RARB: variants seen among roughly 807,000 people sequenced by gnomAD.
RARB encodes HBV-activated protein.
Under a neutral mutation model 51.9 loss-of-function variants are expected in RARB, and 17 were observed. That is an observed-to-expected ratio of 0.33 (90% CI 0.22 to 0.49). RARB has a LOEUF of 0.49. Ranked by LOEUF, RARB falls within the 20% of genes least tolerant of loss-of-function variation. The probability of loss-of-function intolerance (pLI) is 0.99; values close to 1 mark genes in which losing one functional copy is unlikely to be tolerated. For missense variants in RARB, 369 were observed against 550.8 expected (o/e 0.67, Z 3.30); for synonymous variants, 215 against 195.4 (o/e 1.10, Z -0.84).
chr3:24,997,339 CAT>C (rs1356320085), intron 2 of RARB, among the ~76,000 whole-genome samples: 2 of 151,768 alleles, frequency 1.3e-5, no homozygotes, highest in East Asian at 1.9e-4. Flanking sequence ...ACTTTCAGCA[CAT>C]GTGTGTCTTT....
At chr3:25,390,093 T>A (rs745784905) in intron 5 of RARB, among the ~76,000 whole-genome samples, 29 of 152,152 alleles carry the variant, frequency 1.9e-4, no homozygotes, top group African/African-American at 4.8e-5. Context: ...AAAATTCATA[T>A]GTTGAAACTT....
In RARB at chr3:25,259,948, G is replaced by T. The variant is rs539995263; in HGVS notation, c.178+85373G>T. 1.8e-4 allele frequency: 177 copies of T among 985,266 alleles called. No homozygotes were observed. The African/African-American group carries it at 3.0e-3, about 17-fold the overall frequency. The allele number at this position is 985,266 out of a possible 1,614,324, so 61.0% of individuals were successfully genotyped here. On this transcript the variant is annotated intron_variant, in intron 5 of 11. Coordinates refer to the RARB transcript ENST00000383772. ...GTCTCTTTGGCATTCATGGAGGGGA[G>T]GGGGGCAGTCAGTGTGGAGCCAACT... is the stretch of plus-strand genomic sequence containing the variant.
In RARB at chr3:25,429,413, T is replaced by C. The variant is rs565466959; in HGVS notation, c.157+525T>C. Among the ~76,000 whole-genome samples the C allele has an allele frequency of 3.3e-5, 5 of 152,306 alleles. No individual in the cohort carries two copies. The South Asian group carries it at 8.3e-4, about 25-fold the overall frequency. On this transcript the variant is annotated intron_variant, in intron 1 of 7. Coordinates refer to ENST00000330688, the MANE Select transcript of RARB (RefSeq NM_000965.5). ...ATTAAGGTGGCTGCTGCTCCCGAAG[T>C]TCATAAACCACCAGTTCAAGCTGCC...
chr3:25,286,710 T>A (rs1049784217), intron 5 of RARB, among the ~76,000 whole-genome samples: 12 of 152,194 alleles, frequency 7.9e-5, no homozygotes, highest in South Asian at 2.1e-4. Context: ...TACCTTCCCA[T>A]TTGAACATTT....
intron 5 of RARB, among the ~76,000 whole-genome samples, chr3:25,278,641 A>G (rs73820406): frequency 0.05 from 7,600 of 152,252 alleles, 645 homozygotes; most frequent in African/African-American, 0.17. Flanking sequence ...CTGGTCATCT[A>G]AATGGGTAGA....
intron 5 of RARB, among the ~76,000 whole-genome samples, chr3:25,363,060 T>G (rs1223494980): frequency 6.6e-6 from 1 of 152,148 alleles, no homozygotes. Context: ...AAAAAAGCTT[T>G]GATTCAACCT....
chr3:25,187,084 A>G (rs1042217599), intron 5 of RARB, among the ~76,000 whole-genome samples: 2 of 151,972 alleles, frequency 1.3e-5, no homozygotes, highest in African/African-American at 4.8e-5. Flanking sequence ...GCTTCTTCAG[A>G]GATAGGGATG....
At chr3:25,013,517 C>A (rs939357557) in intron 2 of RARB, among the ~76,000 whole-genome samples, 2 of 152,084 alleles carry the variant, frequency 1.3e-5, no homozygotes, top group Non-Finnish European at 2.9e-5. Flanking sequence ...TGAAGACTGA[C>A]CCTCATGCTT....
intron 3 of RARB, among the ~76,000 whole-genome samples, chr3:25,101,361 C>T (rs1447746895): frequency 6.6e-6 from 1 of 152,164 alleles, no homozygotes; most frequent in African/African-American, 2.4e-5. Flanking sequence ...TGAAAGCCTC[C>T]TTCTCTTGTT....
chr3:25,408,573 C>T (rs1349180417), intron 5 of RARB, among the ~76,000 whole-genome samples: 3 of 152,238 alleles, frequency 2.0e-5, no homozygotes, highest in Middle Eastern at 3.4e-3. Context: ...ATAGCTGGCA[C>T]CACTCCACAC....
intron 3 of RARB, among the ~76,000 whole-genome samples, chr3:25,529,789 C>A (rs947979831): frequency 6.6e-6 from 1 of 151,878 alleles, no homozygotes; most frequent in African/African-American, 2.4e-5. Context: ...TTGAAAATAC[C>A]CATGTTAAAG....
At position 25,052,135 on chromosome 3, in the gene RARB, C is replaced by T. The variant is rs986902459; in HGVS notation, c.-379-7990C>T. ...TCACTGGCCAAAGCTAATTGGCCTA[C>T]ACCTAACTTAAACTGGACAGAGGAG... On this transcript the variant is annotated intron_variant, in intron 2 of 11. Coordinates refer to the RARB transcript ENST00000383772. Among the ~76,000 whole-genome samples, 2 of 152,192 alleles carry T rather than the reference C, an allele frequency of 1.3e-5. 1 individual carries two copies. Among genetic ancestry groups the T allele is most frequent in the South Asian group, 4.1e-4 (2 of 4,834 alleles).
chr3:25,232,973 CTTTTTTTTTT>C (rs71061205), intron 5 of RARB, among the ~76,000 whole-genome samples: 3 of 118,770 alleles, frequency 2.5e-5, no homozygotes, highest in Admixed American at 9.0e-5. Context: ...TTTTCTTTTT[CTTTTTTTTTT>C]TTTTTTTTTT....
rs1048926845 is a variant in RARB at position 24,898,708 on chromosome 3, T to G, written c.-380+39956T>G. 7.2e-5 allele frequency among the ~76,000 whole-genome samples: 11 copies of G among 152,332 alleles called. No homozygotes were observed. The East Asian group carries it at 2.1e-3, about 29-fold the overall frequency. ...AGCTCTATTTTCTAGAAATTCCCCC[T>G]TCCCCTATAGCGGATATATTGGCTC... On this transcript the variant is annotated intron_variant, in intron 2 of 11. Coordinates refer to the RARB transcript ENST00000383772.
chr3:25,001,482 G>GA lies in RARB; in HGVS notation c.-379-58637dup, dbSNP rs1479068154. On this transcript the variant is annotated intron_variant, in intron 2 of 11. Transcript: ENST00000383772. ...TCAATTGTCTTCTCTCCCTCAGACA[G>GA]AAAAAATGCGGGACTGGTGGGAGAG... Among the ~76,000 whole-genome samples the GA allele has an allele frequency of 2.6e-5, 4 of 152,168 alleles. No individual in the cohort carries two copies. In the East Asian group the frequency reaches 7.8e-4, roughly 30 times the overall value.
At chr3:24,994,723 T>C (rs1428514729) in intron 2 of RARB, among the ~76,000 whole-genome samples, 1 of 152,076 alleles carries the variant, frequency 6.6e-6, no homozygotes, top group East Asian at 1.9e-4. Flanking sequence ...ATATCCAGTT[T>C]TCCCAGCATC....
intron 5 of RARB, among the ~76,000 whole-genome samples, chr3:25,267,999 T>C (rs1361802889): frequency 1.3e-5 from 2 of 152,204 alleles, no homozygotes; most frequent in Non-Finnish European, 2.9e-5. Flanking sequence ...GGAGGAGAGT[T>C]ATATATTTCT....
rs566594599 is a variant in RARB, at chr3:25,422,141, T to C, written c.179-39052T>C. Among the ~76,000 whole-genome samples, 12 of 152,330 alleles carry C rather than the reference T, an allele frequency of 7.9e-5. No individual in the cohort carries two copies. The East Asian group carries it at 2.3e-3, about 29-fold the overall frequency. On this transcript the variant is annotated intron_variant, in intron 5 of 11. Coordinates refer to the RARB transcript ENST00000383772. Reference sequence around the variant, plus strand: ...TTAAAAGCCGACTAACAGTTTCTGTTCATACATATGATCTCAAAAAATGAA... The same window carrying C: ...TTAAAAGCCGACTAACAGTTTCTGTCCATACATATGATCTCAAAAAATGAA...
intron 3 of RARB, among the ~76,000 whole-genome samples, chr3:25,531,457 G>T (rs1468871467): frequency 6.6e-6 from 1 of 152,134 alleles, no homozygotes; most frequent in Non-Finnish European, 1.5e-5. Context: ...TTATATATGT[G>T]TGTTTGTGTG....
Sources: allele counts gnomAD v4.1 joint callset (sites outside exome capture counted in the v4.1 genomes callset), GRCh38; gene constraint gnomAD v4.1.1; transcripts MANE v1.5; gene names NCBI Gene and HGNC (gene_info 2026-07-23, HGNC 2026-07-21).